DYNC1H1: variants seen among roughly 807,000 people sequenced by gnomAD.
DYNC1H1 encodes the protein dynein cytoplasmic 1 heavy chain 1.
A neutral mutation model predicts 527.1 loss-of-function variants in DYNC1H1; 51 were observed. The ratio of observed to expected loss-of-function variants is 0.10; its 90% CI spans 0.08 to 0.12. The LOEUF is 0.12. Ranked by LOEUF, DYNC1H1 falls within the 10% of genes least tolerant of loss-of-function variation. DYNC1H1 has a pLI of 1.00. For missense variants in DYNC1H1, 2,771 were observed against 5,971.8 expected (o/e 0.46, Z 17.66); for synonymous variants, 2,189 against 2,278.8 (o/e 0.96, Z 1.12).
rs2048799328 is a variant in DYNC1H1, at chr14:102,050,811, G to C, written c.*248G>C. 1 of 509,248 alleles carries C rather than the reference G, an allele frequency of 2.0e-6. No homozygotes were observed. The highest frequency in any genetic ancestry group is 3.5e-6 in the Non-Finnish European group (1 of 285,432). 31.5% of individuals were successfully genotyped at this position (509,248 alleles called of 1,614,324 possible). A position where few individuals can be genotyped will look rare whatever the true frequency, so the allele number is the denominator to read the frequency against. On this transcript the variant is annotated 3_prime_UTR_variant, in exon 78 of 78. Coordinates refer to ENST00000360184, the MANE Select transcript of DYNC1H1 (RefSeq NM_001376.5). ...AGCATGAGCCGGCTCCGCCTCTTCT[G>C]TCTCCGCTTTCATCCCAGGGCACAG...
At chr14:102,048,828 G>GGGGGGGGGGGGGT in intron 74 of DYNC1H1, 159 bp downstream of exon 74, 1 of 289,316 alleles carries the variant, frequency 3.5e-6, no homozygotes, top group Non-Finnish European at 6.8e-6. Context: ...GCGGGGGGAG[G>GGGGGGGGGGGGGT]GGAGGAGCTT....
Position 101,965,059 on chromosome 14 carries a change from C to A in DYNC1H1, c.256+112C>A. 8.3e-7 allele frequency: 1 copy of A among 1,205,114 alleles called. No homozygotes were observed. Among genetic ancestry groups the A allele is most frequent in the South Asian group, 1.5e-5 (1 of 68,406 alleles). The allele number at this position is 1,205,114 out of a possible 1,614,324, so 74.7% of individuals were successfully genotyped here. ...CGGGATGGGAGGAGCCCGGCAGCTGCAGATGACCCCTGGATGGGCAGAGCC... is the reference window on the plus strand; with the variant it reads ...CGGGATGGGAGGAGCCCGGCAGCTGAAGATGACCCCTGGATGGGCAGAGCC... On this transcript the variant is annotated intron_variant, in intron 1 of 77. Coordinates refer to ENST00000360184, the MANE Select transcript of DYNC1H1 (RefSeq NM_001376.5). This position sits in a 1 kb window ranked among gnomAD's most constrained non-coding sequence, Gnocchi z 4.1.
Position 101,979,467 on chromosome 14 carries a change from A to G in DYNC1H1, c.493A>G (p.Ile165Val), listed in dbSNP as rs766600844. 7 of 1,614,154 alleles carry G rather than the reference A, an allele frequency of 4.3e-6. No individual in the cohort carries two copies. Among genetic ancestry groups the G allele is most frequent in the South Asian group, 2.2e-5 (2 of 91,082 alleles). ...AGTGGCTCCTTTTTTTAAGTCCTAC[A>G]TTAGAGAGTCTGGCAAGGCAGACAG... ...NAVAPFFKSY[I>V]RESGKADRDG... Residue 165 changes from isoleucine to valine, a missense_variant, in exon 3 of 78, where the codon ATT (isoleucine) becomes GTT (valine). Ile to Val is a conservative substitution (Grantham distance 29). Coordinates refer to ENST00000360184, the MANE Select transcript of DYNC1H1 (RefSeq NM_001376.5). This position sits in a 1 kb window ranked among gnomAD's most constrained non-coding sequence, Gnocchi z 4.6.
In DYNC1H1 at chr14:102,016,841, G is replaced by A; in HGVS notation, c.7690G>A (p.Ala2564Thr). The A allele has an allele frequency of 6.2e-7, 1 of 1,614,116 alleles. No homozygotes were observed. Among genetic ancestry groups the A allele is most frequent in the Non-Finnish European group, 8.5e-7 (1 of 1,180,032 alleles). Residue 2564 changes from alanine (A) to threonine (T), a missense_variant, in exon 38 of 78, where the codon GCC (alanine) becomes ACC (threonine). Physicochemically the swap from Ala to Thr is moderately conservative, Grantham distance 58 (BLOSUM62 0). Around this residue, in one of 32 missense-constraint regions of DYNC1H1, gnomAD observed 71 missense variants for 143.6 expected, o/e 0.49. Transcript: ENST00000360184. The surrounding 1 kb of genome is among the most constrained non-coding windows in gnomAD (Gnocchi z 7.3). ...QIEVETHKVA[A>T]PDVVVPTLDT... Reference sequence around the variant, plus strand: ...TGAAGTGGAGACGCACAAGGTGGCAGCCCCTGATGTCGTCGTGCCAACGCT... The same window carrying A: ...TGAAGTGGAGACGCACAAGGTGGCAACCCCTGATGTCGTCGTGCCAACGCT...
chr14:101,974,857 T>C (rs1011816338), intron 1 of DYNC1H1, among the ~76,000 whole-genome samples: 1 of 152,220 alleles, frequency 6.6e-6, no homozygotes, highest in African/African-American at 2.4e-5. Context: ...AAGTGACTAC[T>C]GTGTGCATGT....
chr14:102,013,294 G>T (rs1330891791), intron 34 of DYNC1H1, among the ~76,000 whole-genome samples: 1 of 148,612 alleles, frequency 6.7e-6, no homozygotes, highest in Non-Finnish European at 1.5e-5. Flanking sequence ...AAAAGCCCTT[G>T]CTCACGTGTG....
intron 42 of DYNC1H1, among the ~76,000 whole-genome samples, chr14:102,021,656 C>CTTTTTTTT (rs757880988): frequency 1.6e-4 from 19 of 119,832 alleles, no homozygotes; most frequent in South Asian, 5.7e-4. Flanking sequence ...TTTTCTTTTT[C>CTTTTTTTT]TTTTTTTTTT....
intron 4 of DYNC1H1, 143 bp downstream of exon 4, chr14:101,980,117 A>G: frequency 6.7e-6 from 9 of 1,351,248 alleles, no homozygotes; most frequent in Non-Finnish European, 9.2e-6. Context: ...TGTCCAGTGC[A>G]GGACTAGCCT....
rs769593920 is a variant in DYNC1H1, at chr14:102,044,045, G to GGCAA, written c.12684+2_12684+5dup. 1.5e-5 allele frequency: 24 copies of GGCAA among 1,613,604 alleles called. No individual in the cohort carries two copies. Among genetic ancestry groups the GGCAA allele is most frequent in the Non-Finnish European group, 1.7e-5 (20 of 1,180,040 alleles). Reference sequence around the variant, plus strand: ...ACACGTGGCTGGATGACACGGCCAAGGCAAGTGTGGGCCATGCCAGGACAG... The same window carrying GGCAA: ...ACACGTGGCTGGATGACACGGCCAAGGCAAGCAAGTGTGGGCCATGCCAGGACAG... On this transcript the variant is annotated frameshift_variant and splice_region_variant. Transcript: ENST00000360184. LOFTEE classifies it high-confidence loss of function. The surrounding 1 kb of genome is among the most constrained non-coding windows in gnomAD (Gnocchi z 7.1).
Position 101,979,057 on chromosome 14 carries a change from T to C in DYNC1H1, c.345-262T>C, listed in dbSNP as rs2047833555. Among the ~76,000 whole-genome samples the C allele has an allele frequency of 6.6e-6, 1 of 152,218 alleles. No homozygotes were observed. Among genetic ancestry groups the C allele is most frequent in the African/African-American group, 2.4e-5 (1 of 41,438 alleles). On this transcript the variant is annotated intron_variant, in intron 2 of 77. Transcript: ENST00000360184. The surrounding 1 kb of genome is among the most constrained non-coding windows in gnomAD (Gnocchi z 4.6). ...TAAGATCAGATTTAAGTACTACTTA[T>C]ATTTCTAGGGCAGGTTAGTTTTAGG...
rs138201883 is a variant in DYNC1H1, at chr14:101,987,983, C to T, written c.2718+351C>T. Among the ~76,000 whole-genome samples, 843 of 152,162 alleles carry T rather than the reference C, an allele frequency of 5.5e-3. 17 individuals are homozygous for T. The highest frequency in any genetic ancestry group is 0.037 in the East Asian group (190 of 5,178). On this transcript the variant is annotated intron_variant, in intron 9 of 77. Transcript: ENST00000360184. ...GTCCCAGCTACTCAGGAAACTGAGG[C>T]GGGAGGATCACTTGAGCCCAGGAGG...
Position 102,044,737 on chromosome 14 carries a change from G to A in DYNC1H1, c.13006+39G>A. 4 of 1,398,302 alleles carry A rather than the reference G, an allele frequency of 2.9e-6. No homozygotes were observed. Among genetic ancestry groups the A allele is most frequent in the East Asian group, 2.3e-5 (1 of 44,046 alleles). The allele number at this position is 1,398,302 out of a possible 1,614,324, so 86.6% of individuals were successfully genotyped here. ...ATCCTCCCCACACGCAGGGTGGGTG[G>A]CGAGGGTCCCCTCACGCGGGGTGGG... On this transcript the variant is annotated intron_variant, in intron 72 of 77. Coordinates refer to ENST00000360184, the MANE Select transcript of DYNC1H1 (RefSeq NM_001376.5). This position sits in a 1 kb window ranked among gnomAD's most constrained non-coding sequence, Gnocchi z 7.1.
At chr14:101,992,087 T>C (rs2048005247) in intron 11 of DYNC1H1, among the ~76,000 whole-genome samples, 1 of 152,126 alleles carries the variant, frequency 6.6e-6, no homozygotes, top group South Asian at 2.1e-4. Flanking sequence ...CCAGATTATC[T>C]TGAAGCAAAT....
In DYNC1H1 at chr14:102,049,847, G is replaced by A. The variant is rs2152601253; in HGVS notation, c.13649G>A (p.Gly4550Asp). 1 of 1,613,864 alleles carries A rather than the reference G, an allele frequency of 6.2e-7. No homozygotes were observed. The highest frequency in any genetic ancestry group is 8.5e-7 in the Non-Finnish European group (1 of 1,180,026). ...CLEVNVTTSQ[G>D]ATLDACSFGV... ...GAAGTCAACGTCACCACCTCACAGGGCGCCACCCTTGACGCTTGCAGCTTC... is the reference window on the plus strand; with the variant it reads ...GAAGTCAACGTCACCACCTCACAGGACGCCACCCTTGACGCTTGCAGCTTC... Residue 4550 changes from glycine to aspartate, a missense_variant, in exon 76 of 78, where the codon GGC becomes GAC. This residue lies in a region of DYNC1H1 where 106 missense variants were observed against 139.2 expected (regional missense o/e 0.76). Coordinates refer to ENST00000360184, the MANE Select transcript of DYNC1H1 (RefSeq NM_001376.5). The surrounding 1 kb of genome is among the most constrained non-coding windows in gnomAD (Gnocchi z 5.5).
intron 2 of DYNC1H1, among the ~76,000 whole-genome samples, chr14:101,976,981 C>T (rs1042706582): frequency 3.3e-5 from 5 of 152,174 alleles, no homozygotes; most frequent in African/African-American, 7.2e-5. Flanking sequence ...TATGCAAATA[C>T]TGTGCCATTT....
In DYNC1H1 at chr14:102,018,356, G is replaced by A; in HGVS notation, c.8178-95G>A. 6.5e-7 allele frequency: 1 copy of A among 1,538,910 alleles called. No individual in the cohort carries two copies. The highest frequency in any genetic ancestry group is 1.2e-5 in the South Asian group (1 of 84,960). ...TAGCTGGGTTAGGAAGCGACCTCCA[G>A]ACAGGGCCCTGGACAGGGCGACTCC... On this transcript the variant is annotated intron_variant, in intron 40 of 77. Coordinates refer to ENST00000360184, the MANE Select transcript of DYNC1H1 (RefSeq NM_001376.5). This position sits in a 1 kb window ranked among gnomAD's most constrained non-coding sequence, Gnocchi z 5.2.
chr14:102,046,317 A>G (rs1357966078), intron 72 of DYNC1H1, among the ~76,000 whole-genome samples: 1 of 152,198 alleles, frequency 6.6e-6, no homozygotes, highest in African/African-American at 2.4e-5. Context: ...ACTTTTTCTT[A>G]TGGGAAAAAG....
intron 15 of DYNC1H1, among the ~76,000 whole-genome samples, chr14:101,996,667 G>A (rs970474482): frequency 1.1e-4 from 16 of 152,108 alleles, no homozygotes; most frequent in African/African-American, 3.6e-4. Flanking sequence ...TGTCACCCAG[G>A]CTGGAGTGCA....
At chr14:102,034,222 G>T in intron 55 of DYNC1H1, 34 bp downstream of exon 55, 1 of 1,614,186 alleles carries the variant, frequency 6.2e-7, no homozygotes, top group South Asian at 1.1e-5. Flanking sequence ...AAGGATGTGC[G>T]AGCAGTGTGA....
Sources: allele counts gnomAD v4.1 joint callset (sites outside exome capture counted in the v4.1 genomes callset), GRCh38; gene constraint gnomAD v4.1.1; regional missense constraint gnomAD v4.1.1; non-coding constraint Gnocchi (gnomAD v3.1); transcripts MANE v1.5; gene names NCBI Gene and HGNC (gene_info 2026-07-23, HGNC 2026-07-21).